The following JAZF1 variants were observed in gnomAD, a reference collection of about 807,000 sequenced individuals.
JAZF1 encodes the protein JAZF zinc finger 1, also known as juxtaposed with another zinc finger protein 1.
JAZF1 carries 8 observed loss-of-function variants against 26.4 expected under a neutral mutation model. The observed-to-expected ratio is 0.30, with a 90% CI of 0.18 to 0.55. JAZF1 has a LOEUF of 0.55. Among genes scored for constraint, JAZF1 ranks in the 20% least tolerant of loss-of-function variants. JAZF1 has a pLI of 0.94. For synonymous variants in JAZF1, 126 were observed against 122.3 expected, an observed-to-expected ratio of 1.03 and a Z score of -0.20; for missense variants, 199 against 322.0, an observed-to-expected ratio of 0.62 and a Z score of 2.92.
chr7:28,027,970 T>C (rs1032504940), intron 1 of JAZF1, among the ~76,000 whole-genome samples: 4 of 152,210 alleles, frequency 2.6e-5, no homozygotes, highest in Non-Finnish European at 5.9e-5. Flanking sequence ...CATTTCTGAA[T>C]AGAGCCTATT....
intron 1 of JAZF1, among the ~76,000 whole-genome samples, chr7:27,998,696 A>G (rs955674239): frequency 3.3e-5 from 5 of 152,244 alleles, no homozygotes; most frequent in African/African-American, 1.2e-4. Flanking sequence ...AGTCAGGGAC[A>G]CTGTGCAGCA....
intron 1 of JAZF1, among the ~76,000 whole-genome samples, chr7:28,058,389 C>T (rs1340077058): frequency 6.6e-6 from 1 of 152,164 alleles, no homozygotes; most frequent in Non-Finnish European, 1.5e-5. Context: ...AACCTGCCTG[C>T]ACCTGCCTCT....
At chr7:28,143,907 C>T (rs1782991327) in intron 1 of JAZF1, among the ~76,000 whole-genome samples, 1 of 152,152 alleles carries the variant, frequency 6.6e-6, no homozygotes, top group Non-Finnish European at 1.5e-5. Flanking sequence ...AGATCAAAAT[C>T]AATTTTCATT....
intron 1 of JAZF1, among the ~76,000 whole-genome samples, chr7:28,145,472 A>G (rs849141): frequency 0.78 from 119,163 of 152,134 alleles, 47,294 homozygotes; most frequent in East Asian, 0.98. Flanking sequence ...CCTAAGTAAC[A>G]TCACATGAAG....
At chr7:28,013,382 A>T (rs574622378) in intron 1 of JAZF1, among the ~76,000 whole-genome samples, 1 of 152,284 alleles carries the variant, frequency 6.6e-6, no homozygotes, top group South Asian at 2.1e-4. Context: ...AGGAAAAAAT[A>T]GGAGGGCCAT....
At chr7:27,931,868 G>A (rs947648117) in intron 2 of JAZF1, among the ~76,000 whole-genome samples, 1 of 152,022 alleles carries the variant, frequency 6.6e-6, no homozygotes, top group Admixed American at 6.6e-5. Flanking sequence ...AGCCAAGATC[G>A]CACCACTGCA....
chr7:27,910,812 G>A (rs1460796480), intron 2 of JAZF1, among the ~76,000 whole-genome samples: 1 of 152,164 alleles, frequency 6.6e-6, no homozygotes, highest in Non-Finnish European at 1.5e-5. Flanking sequence ...TTGGTGACCA[G>A]GGAGCCTCTT....
At chr7:27,871,368 G>A (rs1266950208) in intron 3 of JAZF1, among the ~76,000 whole-genome samples, 1 of 152,158 alleles carries the variant, frequency 6.6e-6, no homozygotes, top group African/African-American at 2.4e-5. Flanking sequence ...TCTATTAACT[G>A]TTTCTTCCCT....
chr7:28,151,112 T>TA (rs1491442733), intron 1 of JAZF1, among the ~76,000 whole-genome samples: 3 of 38,968 alleles, frequency 7.7e-5, no homozygotes, highest in Non-Finnish European at 2.6e-4. Context: ...TATATATATA[T>TA]TTTTTTTTTG....
chr7:28,134,917 T>A (rs987646081), intron 1 of JAZF1, among the ~76,000 whole-genome samples: 1 of 152,182 alleles, frequency 6.6e-6, no homozygotes, highest in Admixed American at 6.5e-5. Flanking sequence ...TCCTGCTACC[T>A]CCCGAATGCC....
chr7:28,097,085 ATTAAG>A (rs1418357330), intron 1 of JAZF1, among the ~76,000 whole-genome samples: 4 of 152,196 alleles, frequency 2.6e-5, no homozygotes, highest in South Asian at 2.1e-4. Flanking sequence ...TAAAATATGC[ATTAAG>A]TTAACAATAA....
intron 1 of JAZF1, among the ~76,000 whole-genome samples, chr7:28,076,709 C>CA (rs34918786): frequency 0.18 from 17,789 of 97,116 alleles, 1,530 homozygotes; most frequent in Middle Eastern, 0.28. Flanking sequence ...TTCTCTCTCT[C>CA]AAAAAAAAAA....
chr7:27,902,586 C>G (rs12669526), intron 2 of JAZF1, among the ~76,000 whole-genome samples: 56,092 of 152,010 alleles, frequency 0.37, 10,570 homozygotes, highest in East Asian at 0.49. Flanking sequence ...CTGCCATTTT[C>G]TCATCTATAA....
chr7:27,838,663 A>G (rs1294212440), intron 4 of JAZF1, among the ~76,000 whole-genome samples: 2 of 152,082 alleles, frequency 1.3e-5, no homozygotes, highest in Non-Finnish European at 2.9e-5. Flanking sequence ...ATGAAATACT[A>G]ATCGCACTGG....
At chr7:27,989,309 A>C (rs1490891341) in intron 2 of JAZF1, among the ~76,000 whole-genome samples, 3 of 152,236 alleles carry the variant, frequency 2.0e-5, no homozygotes, top group African/African-American at 7.2e-5. Flanking sequence ...TAAAGACTTA[A>C]ATGTTAGACC....
In JAZF1 at chr7:28,151,739, C is replaced by T. The variant is rs1327147975; in HGVS notation, c.115+28724G>A. ...CCGGGAGGCGGAGGTTGCAGTGAGC[C>T]GAGATCATGCCATTGCACTCCAGCC... On this transcript the variant is annotated intron_variant, in intron 1 of 4. Coordinates refer to ENST00000283928, the MANE Select transcript of JAZF1 (RefSeq NM_175061.4). Among the ~76,000 whole-genome samples the T allele has an allele frequency of 5.3e-5, 8 of 151,528 alleles. No individual in the cohort carries two copies. In the East Asian group the frequency reaches 1.4e-3, roughly 26 times the overall value.
chr7:28,039,265 G>A (rs1416174914), intron 1 of JAZF1, among the ~76,000 whole-genome samples: 1 of 152,000 alleles, frequency 6.6e-6, no homozygotes, highest in Non-Finnish European at 1.5e-5. Flanking sequence ...ACATGCGCAC[G>A]TGCATACAAA....
At chr7:27,988,096 T>C (rs150424227) in intron 2 of JAZF1, among the ~76,000 whole-genome samples, 3,604 of 152,080 alleles carry the variant, frequency 0.024, 138 homozygotes, top group African/African-American at 0.08. Flanking sequence ...AGACCCTTGT[T>C]CACATGTTTA....
chr7:28,129,052 T>C (rs1782747596), intron 1 of JAZF1, among the ~76,000 whole-genome samples: 1 of 151,956 alleles, frequency 6.6e-6, no homozygotes, highest in Non-Finnish European at 1.5e-5. Flanking sequence ...GCAAGACTCT[T>C]TTCCTTGACC....
Sources: gnomAD v4.1 joint callset for allele counts (sites outside exome capture counted in the v4.1 genomes callset) on GRCh38, gnomAD v4.1.1 for gene constraint, MANE v1.5 for transcripts, NCBI Gene and HGNC (gene_info 2026-07-23, HGNC 2026-07-21) for gene names.